The following KIF1A variants were observed in gnomAD, a reference collection of about 807,000 sequenced individuals.
KIF1A encodes the protein kinesin family member 1A, also known as kinesin-like protein KIF1A.
Under a neutral mutation model 227.3 loss-of-function variants are expected in KIF1A, and 46 were observed. The observed-to-expected ratio is 0.20, with a 90% confidence interval of 0.16 to 0.26. The LOEUF is 0.26. KIF1A is among the 10% of genes least tolerant of loss of function. The pLI is 1.00. For missense variants in KIF1A, 1,683 were observed against 2,485.9 expected (o/e 0.68, Z 6.87); for synonymous variants, 1,022 against 1,012.8 (o/e 1.01, Z -0.17).
intron 13 of KIF1A, 37 bp downstream of exon 13, chr2:240,773,077 A>C: frequency 6.4e-7 from 1 of 1,573,300 alleles, no homozygotes; most frequent in Non-Finnish European, 8.6e-7. Context: ...CTGAGGCCCC[A>C]CAACCCTGTC....
intron 6 of KIF1A, among the ~76,000 whole-genome samples, chr2:240,786,071 AC>A (rs1235011986): frequency 6.6e-6 from 1 of 151,616 alleles, no homozygotes; most frequent in East Asian, 1.9e-4. Context: ...TGCTGCCAGC[AC>A]CCCCCGGGCA....
In KIF1A at chr2:240,719,879, A is replaced by T; in HGVS notation, c.4916T>A (p.Leu1639Gln). Reference protein sequence around the residue: ...SRPASPEPELLPEADSKKLPS... With the variant: ...SRPASPEPELQPEADSKKLPS... ...GAGCTTCTTGGAGTCGGCCTCTGGCAGCAGCTCGGGCTCTGGGCTGGCTGG... is the reference window on the plus strand; with the variant it reads ...GAGCTTCTTGGAGTCGGCCTCTGGCTGCAGCTCGGGCTCTGGGCTGGCTGG... The change falls in exon 46 of 49, where the codon CTG becomes CAG. Residue 1639 changes from leucine to glutamine, a missense_variant. Physicochemically the swap from Leu to Gln is moderately radical, Grantham distance 113 (BLOSUM62 -2). Transcript: ENST00000498729. 6.2e-7 allele frequency: 1 copy of T among 1,611,888 alleles called. No individual in the cohort carries two copies. Among genetic ancestry groups the T allele is most frequent in the Non-Finnish European group, 8.5e-7 (1 of 1,179,500 alleles).
At position 240,740,592 on chromosome 2, in the gene KIF1A, A is replaced by T. The variant is rs1190374840; in HGVS notation, c.3750-228T>A. 6.6e-6 allele frequency among the ~76,000 whole-genome samples: 1 copy of T among 151,836 alleles called. No individual in the cohort carries two copies. The highest frequency in any genetic ancestry group is 2.0e-4 in the East Asian group (1 of 5,126). On this transcript the variant is annotated intron_variant, in intron 35 of 48. Coordinates refer to ENST00000498729, the MANE Select transcript of KIF1A (RefSeq NM_001244008.2). The surrounding 1 kb of genome is among the most constrained non-coding windows in gnomAD (Gnocchi z 6.1). ...GCCCACTGGACTGGCAGGGTGTCCAACAAGGAGACACGGTATGGCACAGCC... is the reference window on the plus strand; with the variant it reads ...GCCCACTGGACTGGCAGGGTGTCCATCAAGGAGACACGGTATGGCACAGCC...
At chr2:240,780,381 C>T (rs1159324033) in intron 10 of KIF1A, among the ~76,000 whole-genome samples, 1 of 152,096 alleles carries the variant, frequency 6.6e-6, no homozygotes, top group Non-Finnish European at 1.5e-5. Flanking sequence ...GTTCCCCACA[C>T]GAGCGCACAC....
Position 240,754,254 on chromosome 2 carries a change from C to T in KIF1A, c.2858+3065G>A, listed in dbSNP as rs139732157. ...CCGGAGGTCTGACACCAAATGCTCC[C>T]CCATCTCTACAGCACCCTGTGAGCA... On this transcript the variant is annotated intron_variant, in intron 27 of 48. Coordinates refer to ENST00000498729, the MANE Select transcript of KIF1A (RefSeq NM_001244008.2). 8.0e-3 allele frequency among the ~76,000 whole-genome samples: 1,220 copies of T among 152,322 alleles called. 14 individuals carry two copies. The highest frequency in any genetic ancestry group is 0.011 in the Non-Finnish European group (755 of 68,040).
upstream of KIF1A, among the ~76,000 whole-genome samples, chr2:240,821,271 G>T (rs1026429239): frequency 4.6e-5 from 7 of 152,230 alleles, no homozygotes; most frequent in Non-Finnish European, 8.8e-5. Flanking sequence ...CGCCCAGCAG[G>T]GGCCTGCGCT....
rs557750690 is a variant in KIF1A at position 240,739,465 on chromosome 2, C to G, written c.3901+593G>C. ...TAACCTCCAGGACCTTCAAAGGGGACCTTATTTGGAAGTAGGGCTTTGCAG... is the reference window on the plus strand; with the variant it reads ...TAACCTCCAGGACCTTCAAAGGGGAGCTTATTTGGAAGTAGGGCTTTGCAG... On this transcript the variant is annotated intron_variant, in intron 37 of 48. Coordinates refer to ENST00000498729, the MANE Select transcript of KIF1A (RefSeq NM_001244008.2). This position sits in a 1 kb window ranked among gnomAD's most constrained non-coding sequence, Gnocchi z 5.6. Among the ~76,000 whole-genome samples the G allele has an allele frequency of 3.9e-5, 6 of 152,218 alleles. No individual in the cohort carries two copies. The South Asian group carries it at 1.3e-3, about 32-fold the overall frequency.
In KIF1A at chr2:240,752,904, C is replaced by A. The variant is rs1217824797; in HGVS notation, c.2859-2357G>T. Among the ~76,000 whole-genome samples the A allele has an allele frequency of 6.6e-6, 1 of 152,148 alleles. No individual in the cohort carries two copies. The highest frequency in any genetic ancestry group is 1.9e-4 in the East Asian group (1 of 5,170). Reference sequence around the variant, plus strand: ...GGCACGGGGTTCCTGAATCCATTGGCGCAGCTCACAGGAAGGAGAGGCTAG... The same window carrying A: ...GGCACGGGGTTCCTGAATCCATTGGAGCAGCTCACAGGAAGGAGAGGCTAG... On this transcript the variant is annotated intron_variant, in intron 27 of 48. Coordinates refer to ENST00000498729, the MANE Select transcript of KIF1A (RefSeq NM_001244008.2). The surrounding 1 kb of genome is among the most constrained non-coding windows in gnomAD (Gnocchi z 6.4).
intron 9 of KIF1A, 112 bp downstream of exon 9, chr2:240,782,932 G>A: frequency 1.1e-6 from 1 of 920,812 alleles, no homozygotes; most frequent in Admixed American, 1.8e-5. Context: ...GCTCTCCCTT[G>A]AACCTGGCCA....
chr2:240,718,432 C>T (rs1046487202), intron 47 of KIF1A, among the ~76,000 whole-genome samples: 4 of 152,248 alleles, frequency 2.6e-5, no homozygotes, highest in Non-Finnish European at 5.9e-5. Context: ...GGCCCCTGCT[C>T]CCTGGGACCC....
chr2:240,763,337 A>T lies in KIF1A; in HGVS notation c.1778T>A (p.Ile593Asn). 1 of 1,578,462 alleles carries T rather than the reference A, an allele frequency of 6.3e-7. No homozygotes were observed. ...EPSILRSGNR[I>N]IMGKSHVFRF... Reference sequence around the variant, plus strand: ...GAACACATGGCTCTTACCCATGATGATGCGGTTTCCTGGGGAACAGAGGGA... The same window carrying T: ...GAACACATGGCTCTTACCCATGATGTTGCGGTTTCCTGGGGAACAGAGGGA... The change falls in exon 21 of 49, where the codon ATC becomes AAC. Residue 593 changes from isoleucine to asparagine, a missense_variant. By Grantham distance (149) the Ile-to-Asn change is moderately radical (BLOSUM62 -3). Coordinates refer to ENST00000498729, the MANE Select transcript of KIF1A (RefSeq NM_001244008.2).
chr2:240,721,811 C>A lies in KIF1A; in HGVS notation c.4739G>T (p.Ser1580Ile). The A allele has an allele frequency of 6.2e-7, 1 of 1,604,070 alleles. No homozygotes were observed. The highest frequency in any genetic ancestry group is 2.2e-5 in the East Asian group (1 of 44,832). The change falls in exon 44 of 49, where the codon AGC (serine) becomes ATC (isoleucine). Residue 1580 changes from serine to isoleucine, a missense_variant. Coordinates refer to ENST00000498729, the MANE Select transcript of KIF1A (RefSeq NM_001244008.2). ...GTGCAGCCCCTCTGCACCCACCTTGCTCTCGCTGGCACTGACGCAGACGTG... is the reference window on the plus strand; with the variant it reads ...GTGCAGCCCCTCTGCACCCACCTTGATCTCGCTGGCACTGACGCAGACGTG... ...HSHVCVSASESKLSEMSVTLL... is the reference protein window; with the variant it reads ...HSHVCVSASEIKLSEMSVTLL...
At chr2:240,769,323 C>A (rs1336971486) in intron 16 of KIF1A, 115 bp from the exon 17 acceptor site, 8 of 830,878 alleles carry the variant, frequency 9.6e-6, no homozygotes, top group Non-Finnish European at 1.5e-5. Context: ...TGGGTGGTGC[C>A]CATGCGTGTC....
At chr2:240,771,308 C>T in intron 14 of KIF1A, 2 of 668,566 alleles carry the variant, frequency 3.0e-6, no homozygotes, top group Non-Finnish European at 5.2e-6. Context: ...GGCACAGCAG[C>T]CCTGCCAGGC....
intron 33 of KIF1A, 87 bp from the exon 34 acceptor site, chr2:240,743,071 G>A (rs901246908): frequency 3.4e-5 from 34 of 1,004,530 alleles, no homozygotes; most frequent in South Asian, 1.4e-4. Context: ...GGCCCCAGGT[G>A]CCCATCCCGG....
chr2:240,759,297 AGACAGTCAGCAACTT>A (rs2050228974), intron 25 of KIF1A, among the ~76,000 whole-genome samples: 1 of 152,032 alleles, frequency 6.6e-6, no homozygotes, highest in Non-Finnish European at 1.5e-5. Flanking sequence ...TAATTCCTAG[AGACAGTCAGCAACTT>A]GCCATCACCC....
In KIF1A at chr2:240,717,203, C is replaced by G. The variant is rs564598846; in HGVS notation, c.*161G>C. 77 of 607,578 alleles carry G rather than the reference C, an allele frequency of 1.3e-4. No individual in the cohort carries two copies. The highest frequency in any genetic ancestry group is 2.2e-4 in the Admixed American group (8 of 36,286). 37.6% of individuals were successfully genotyped at this position (607,578 alleles called of 1,614,324 possible). A position where few individuals can be genotyped will look rare whatever the true frequency, so the allele number is the denominator to read the frequency against. Reference sequence around the variant, plus strand: ...AGCCTCTGCTGGGAGCACAGCTGGTCGTGTGGCACAGGTCCCCGGGCCTGG... The same window carrying G: ...AGCCTCTGCTGGGAGCACAGCTGGTGGTGTGGCACAGGTCCCCGGGCCTGG... On this transcript the variant is annotated 3_prime_UTR_variant, in exon 49 of 49. Transcript: ENST00000498729.
intron 10 of KIF1A, among the ~76,000 whole-genome samples, chr2:240,777,913 C>T (rs2052992791): frequency 6.6e-6 from 1 of 152,222 alleles, no homozygotes; most frequent in Non-Finnish European, 1.5e-5. Context: ...CTCCCAGTCC[C>T]TCACACAGAC....
chr2:240,788,024 TGCCCCCGCCC>T lies in KIF1A; in HGVS notation c.363+17_363+26del. 1.3e-6 allele frequency: 2 copies of T among 1,488,198 alleles called. No individual in the cohort carries two copies. The highest frequency in any genetic ancestry group is 1.8e-6 in the Non-Finnish European group (2 of 1,092,676). The allele number at this position is 1,488,198 out of a possible 1,614,324, so 92.2% of individuals were successfully genotyped here. A position where few individuals can be genotyped will look rare whatever the true frequency, so the allele number is the denominator to read the frequency against. On this transcript the variant is annotated intron_variant, in intron 4 of 48. Transcript: ENST00000498729. The surrounding 1 kb of genome is among the most constrained non-coding windows in gnomAD (Gnocchi z 6.6). ...CTGGTCCCGCCCCATCTGCCAGGGC[TGCCCCCGCCC>T]GCCCCCCGCTTCGTGCCTGTGGGAT...
Sources: allele counts gnomAD v4.1 joint callset (sites outside exome capture counted in the v4.1 genomes callset), GRCh38; gene constraint gnomAD v4.1.1; non-coding constraint Gnocchi (gnomAD v3.1); transcripts MANE v1.5; gene names NCBI Gene and HGNC (gene_info 2026-07-23, HGNC 2026-07-21).